The following NCAM1 variants were observed in gnomAD, a reference collection of about 807,000 sequenced individuals.
NCAM1 encodes the protein antigen recognized by monoclonal antibody 5.1H11.
NCAM1 carries 14 observed loss-of-function variants against 109.8 expected under a neutral mutation model. That is an observed-to-expected ratio of 0.13 (90% CI 0.08 to 0.20). The LOEUF is 0.20. NCAM1 is among the 10% of genes least tolerant of loss of function. The probability of loss-of-function intolerance (pLI) is 1.00; values close to 1 mark genes in which losing one functional copy is unlikely to be tolerated. For synonymous variants in NCAM1, 418 were observed against 442.9 expected (o/e 0.94, Z 0.70); for missense variants, 774 against 1,109.9 (o/e 0.70, Z 4.30).
intron 1 of NCAM1, among the ~76,000 whole-genome samples, chr11:113,195,697 G>A (rs1943834085): frequency 6.6e-6 from 1 of 151,594 alleles, no homozygotes; most frequent in Non-Finnish European, 1.5e-5. Context: ...TAGTAGAGAC[G>A]GGGTTTCACT....
rs1591480000 is a variant in NCAM1 at position 113,274,043 on chromosome 11, G to A, written c.2457-1224G>A. On this transcript the variant is annotated intron_variant, in intron 19 of 19. Transcript: ENST00000316851. The surrounding 1 kb of genome is among the most constrained non-coding windows in gnomAD (Gnocchi z 4.1). ...TGCAGTCAGGCCACTGATGAGAATA[G>A]CTTGGGAAGCAGGCTAAGAAGGCCA... 1 of 154,198 alleles carries A rather than the reference G, an allele frequency of 6.5e-6. No individual in the cohort carries two copies. The highest frequency in any genetic ancestry group is 1.4e-5 in the Non-Finnish European group (1 of 69,458). The allele number at this position is 154,198 out of a possible 1,614,324, so 9.6% of individuals were successfully genotyped here.
At chr11:113,022,206 G>A (rs1952407803) in intron 1 of NCAM1, among the ~76,000 whole-genome samples, 1 of 152,132 alleles carries the variant, frequency 6.6e-6, no homozygotes, top group Non-Finnish European at 1.5e-5. Flanking sequence ...CCTCGTTTGG[G>A]GCACTCAGTC....
At chr11:113,002,000 T>C (rs527745657) in intron 1 of NCAM1, among the ~76,000 whole-genome samples, 2 of 152,218 alleles carry the variant, frequency 1.3e-5, no homozygotes, top group African/African-American at 4.8e-5. Context: ...AGCCCAGAAA[T>C]AAGAGGTTAT....
At chr11:113,186,260 T>C (rs1943505243) in intron 1 of NCAM1, among the ~76,000 whole-genome samples, 1 of 152,194 alleles carries the variant, frequency 6.6e-6, no homozygotes, top group African/African-American at 2.4e-5. Flanking sequence ...TCCTGTCAGT[T>C]CAGCAGCAGC....
intron 1 of NCAM1, among the ~76,000 whole-genome samples, chr11:113,131,891 C>T (rs551714837): frequency 6.6e-6 from 1 of 152,296 alleles, no homozygotes; most frequent in East Asian, 1.9e-4. Context: ...TAGCTGTATG[C>T]CCATTGGTAA....
chr11:113,032,519 G>A (rs564069721), intron 1 of NCAM1, among the ~76,000 whole-genome samples: 55 of 152,346 alleles, frequency 3.6e-4, no homozygotes, highest in Non-Finnish European at 6.8e-4. Context: ...ATTGCTGTAC[G>A]TCTATCCATA....
intron 1 of NCAM1, among the ~76,000 whole-genome samples, chr11:113,128,527 GTATA>G (rs1397298111): frequency 6.6e-6 from 1 of 151,188 alleles, no homozygotes; most frequent in African/African-American, 2.4e-5. Flanking sequence ...ACGATAAGGG[GTATA>G]TACTCCATGG....
chr11:113,245,278 C>T (rs183337043), intron 14 of NCAM1, among the ~76,000 whole-genome samples: 1 of 152,142 alleles, frequency 6.6e-6, no homozygotes, highest in Non-Finnish European at 1.5e-5. Context: ...CCCATCTCTA[C>T]AAAAAATAGA....
intron 1 of NCAM1, among the ~76,000 whole-genome samples, chr11:113,128,198 C>T (rs1688461900): frequency 6.6e-6 from 1 of 152,218 alleles, no homozygotes; most frequent in Admixed American, 6.5e-5. Flanking sequence ...TGCTCAGTAG[C>T]TCTTCACTGC....
chr11:113,161,356 T>C (rs1323854247), intron 1 of NCAM1, among the ~76,000 whole-genome samples: 4 of 152,248 alleles, frequency 2.6e-5, no homozygotes, highest in Non-Finnish European at 5.9e-5. Flanking sequence ...TGTCATACCT[T>C]GGACTTGGAA....
intron 8 of NCAM1, 97 bp downstream of exon 8, chr11:113,214,608 G>A (rs1414023134): frequency 5.7e-5 from 79 of 1,390,914 alleles, no homozygotes; most frequent in Non-Finnish European, 7.5e-5. Context: ...CTGGGAGATG[G>A]GTTATGGTCA....
chr11:113,089,849 G>A (rs1159620), intron 1 of NCAM1, among the ~76,000 whole-genome samples: 33,014 of 152,092 alleles, frequency 0.22, 3,836 homozygotes, highest in East Asian at 0.47. Context: ...TTGTTTTGAT[G>A]AAACAAACCA....
chr11:112,987,383 A>G (rs1487063611), intron 1 of NCAM1, among the ~76,000 whole-genome samples: 9 of 152,058 alleles, frequency 5.9e-5, no homozygotes, highest in Admixed American at 5.2e-4. Context: ...GTTGAATGGA[A>G]TGTTCTATGT....
intron 1 of NCAM1, among the ~76,000 whole-genome samples, chr11:113,156,474 A>C (rs191481452): frequency 6.6e-6 from 1 of 152,304 alleles, no homozygotes; most frequent in Admixed American, 6.5e-5. Flanking sequence ...ATGCCAATTG[A>C]GAACTAGTAG....
intron 15 of NCAM1, among the ~76,000 whole-genome samples, chr11:113,247,741 A>G (rs547319169): frequency 5.3e-5 from 8 of 152,366 alleles, no homozygotes; most frequent in African/African-American, 1.9e-4. Context: ...CCACGCCAAT[A>G]AATTGGGCTT....
At chr11:113,028,514 A>C (rs1178140490) in intron 1 of NCAM1, among the ~76,000 whole-genome samples, 9 of 47,700 alleles carry the variant, frequency 1.9e-4, no homozygotes, top group Admixed American at 5.1e-4. Context: ...TCTATGAATT[A>C]ATGTTTCCTA....
intron 1 of NCAM1, among the ~76,000 whole-genome samples, chr11:113,165,759 C>G (rs555565072): frequency 5.9e-5 from 9 of 151,966 alleles, no homozygotes; most frequent in Admixed American, 5.9e-4. Context: ...ACCACTGGCT[C>G]TCTCCTGGCT....
At chr11:113,092,632 A>G (rs1292732677) in intron 1 of NCAM1, among the ~76,000 whole-genome samples, 1 of 152,224 alleles carries the variant, frequency 6.6e-6, no homozygotes, top group Non-Finnish European at 1.5e-5. Flanking sequence ...TTAAGATGTT[A>G]GTGAACTTGG....
Position 113,148,866 on chromosome 11 carries a change from T to A in NCAM1, c.53-53513T>A, listed in dbSNP as rs1032144566. ...TGCGCTGCTTCTCTGCACAGCCATA[T>A]GAATGGGGCTCTTCACTCTTCTCAG... On this transcript the variant is annotated intron_variant, in intron 1 of 19. Transcript: ENST00000316851. 1.6e-4 allele frequency among the ~76,000 whole-genome samples: 25 copies of A among 152,232 alleles called. No individual in the cohort carries two copies. The East Asian group carries it at 3.5e-3, about 21-fold the overall frequency.
Sources: gnomAD v4.1 joint callset for allele counts (sites outside exome capture counted in the v4.1 genomes callset) on GRCh38, gnomAD v4.1.1 for gene constraint, Gnocchi (gnomAD v3.1) non-coding constraint, MANE v1.5 for transcripts, NCBI Gene and HGNC (gene_info 2026-07-23, HGNC 2026-07-21) for gene names.